DEPDC5: variants seen among roughly 807,000 people sequenced by gnomAD.
DEPDC5 encodes DEP domain containing 5, GATOR1 subcomplex subunit, also known as GATOR1 complex protein DEPDC5.
A neutral mutation model predicts 217.3 loss-of-function variants in DEPDC5; 73 were observed. That is an observed-to-expected ratio of 0.34 (90% CI 0.28 to 0.41). The LOEUF (loss-of-function observed/expected upper bound fraction) is 0.41, where lower values mean the gene tolerates loss of function less well. Ranked by LOEUF, DEPDC5 falls within the 10% of genes least tolerant of loss-of-function variation. DEPDC5 has a pLI of 1.00. For missense variants in DEPDC5, 1,675 were observed against 2,070.1 expected, an observed-to-expected ratio of 0.81 and a Z score of 3.70; for synonymous variants, 733 against 756.7, an observed-to-expected ratio of 0.97 and a Z score of 0.51.
chr22:31,900,137 C>T (rs1476533091), intron 40 of DEPDC5, among the ~76,000 whole-genome samples: 3 of 152,074 alleles, frequency 2.0e-5, no homozygotes, highest in Non-Finnish European at 4.4e-5. Flanking sequence ...ACCTCCGCCT[C>T]CTGGGTTCAA....
chr22:31,842,795 A>C (rs1156498337), intron 27 of DEPDC5, among the ~76,000 whole-genome samples: 1 of 152,112 alleles, frequency 6.6e-6, no homozygotes, highest in East Asian at 1.9e-4. Context: ...GTCATCTCTT[A>C]CAGAACTTTC....
At chr22:31,887,968 G>T (rs2093353926) in intron 38 of DEPDC5, among the ~76,000 whole-genome samples, 1 of 152,116 alleles carries the variant, frequency 6.6e-6, no homozygotes, top group Admixed American at 6.6e-5. Context: ...TTTGTGACTT[G>T]TCCCTTTTTT....
intron 33 of DEPDC5, among the ~76,000 whole-genome samples, chr22:31,867,036 G>A (rs1824878504): frequency 6.6e-6 from 1 of 152,146 alleles, no homozygotes; most frequent in Admixed American, 6.5e-5. Context: ...AAGCGGAGGG[G>A]GGAGTATCTA....
chr22:31,802,279 T>A (rs2086955434), intron 14 of DEPDC5, among the ~76,000 whole-genome samples: 1 of 151,738 alleles, frequency 6.6e-6, no homozygotes, highest in Non-Finnish European at 1.5e-5. Context: ...CAGGTGCACA[T>A]CACCATGCCT....
At chr22:31,766,463 A>G in intron 5 of DEPDC5, 122 bp from the exon 6 acceptor site, 1 of 859,938 alleles carries the variant, frequency 1.2e-6, no homozygotes. Context: ...TCTGCTACTG[A>G]ATGGTCTTCC....
Position 31,870,609 on chromosome 22 carries a change from C to T in DEPDC5, c.3350C>T (p.Ala1117Val). 6.5e-7 allele frequency: 1 copy of T among 1,546,794 alleles called. No individual in the cohort carries two copies. Among genetic ancestry groups the T allele is most frequent in the Non-Finnish European group, 8.7e-7 (1 of 1,150,720 alleles). Residue 1117 changes from alanine (A) to valine (V), a missense_variant, in exon 34 of 43, where the codon GCC (alanine) becomes GTC (valine). By Grantham distance (64) the Ala-to-Val change is moderately conservative. Around this residue, in one of 11 missense-constraint regions of DEPDC5, gnomAD observed 126 missense variants for 113.8 expected, o/e 1.11. Coordinates refer to ENST00000651528, the MANE Select transcript of DEPDC5 (RefSeq NM_001242896.3). The stretch of plus-strand genomic sequence containing the variant: ...CTGCAGGTATCTGTGGACCAAACAG[C>T]CACTCCTATGTTGGACGGCACCAGT... ...FYPQVSVDQTATPMLDGTSLG... is the reference protein window; with the variant it reads ...FYPQVSVDQTVTPMLDGTSLG...
intron 39 of DEPDC5, among the ~76,000 whole-genome samples, chr22:31,896,298 A>G (rs1397802843): frequency 1.3e-5 from 2 of 152,250 alleles, no homozygotes; most frequent in Non-Finnish European, 1.5e-5. Context: ...TACATAAAAT[A>G]AAAAGGTTTT....
At chr22:31,859,471 A>C (rs1307436821) in intron 32 of DEPDC5, among the ~76,000 whole-genome samples, 1 of 148,196 alleles carries the variant, frequency 6.7e-6, no homozygotes, top group East Asian at 2.0e-4. Flanking sequence ...CTGCAACTGC[A>C]ACCTCAGCCT....
In DEPDC5 at chr22:31,864,110, T is replaced by G. The variant is rs558500387; in HGVS notation, c.3330+2677T>G. Among the ~76,000 whole-genome samples, 182 of 129,672 alleles carry G rather than the reference T, an allele frequency of 1.4e-3. No homozygotes were observed. In the Middle Eastern group the frequency reaches 0.027, roughly 19 times the overall value. The allele number at this position is 129,672 out of a possible 152,430, so 85.1% of individuals were successfully genotyped here. ...GGCCAATGGAGTCAGTTGGATGCTTTCTTTTTTTTTTTTTTGAGATGGAAT... is the reference window on the plus strand; with the variant it reads ...GGCCAATGGAGTCAGTTGGATGCTTGCTTTTTTTTTTTTTTGAGATGGAAT... On this transcript the variant is annotated intron_variant, in intron 33 of 42. Transcript: ENST00000651528.
intron 6 of DEPDC5, 39 bp from the exon 7 acceptor site, chr22:31,768,775 T>C: frequency 1.4e-6 from 2 of 1,445,432 alleles, no homozygotes; most frequent in Middle Eastern, 1.8e-4. Flanking sequence ...CCTCTCTCCC[T>C]CCCTCCCTCT....
Position 31,764,902 on chromosome 22 carries a change from G to A in DEPDC5, c.194-73G>A. The A allele has an allele frequency of 1.8e-6, 2 of 1,128,294 alleles. 1 individual carries two copies. The allele number at this position is 1,128,294 out of a possible 1,614,324, so 69.9% of individuals were successfully genotyped here. The stretch of plus-strand genomic sequence containing the variant: ...AATTGTGTTGCTTACTGAGTTGAGT[G>A]TTTATAGATTAGAATATATGGATCT... On this transcript the variant is annotated intron_variant, in intron 4 of 42. Coordinates refer to ENST00000651528, the MANE Select transcript of DEPDC5 (RefSeq NM_001242896.3).
rs755051459 is a variant in DEPDC5, at chr22:31,879,665, C to A, written c.3946C>A (p.Leu1316Met). The A allele has an allele frequency of 6.2e-7, 1 of 1,614,176 alleles. No homozygotes were observed. Among genetic ancestry groups the A allele is most frequent in the Admixed American group, 1.7e-5 (1 of 60,026 alleles). ...SEIPAFLLPW[L>M]PSRPASYASR... is the part of the protein sequence containing the mutation. ...GATTCCTGCCTTTCTCCTGCCCTGG[C>A]TGCCTAGCCGGCCAGCCTCCTATGC... is the stretch of plus-strand genomic sequence containing the variant. The change falls in exon 38 of 43, where the codon CTG (leucine) becomes ATG (methionine). Residue 1316 changes from leucine to methionine, a missense_variant. Leu to Met is a conservative substitution (Grantham distance 15). Around this residue, in one of 11 missense-constraint regions of DEPDC5, gnomAD observed 182 missense variants for 290.1 expected, o/e 0.63. Transcript: ENST00000651528.
rs2093767149 is a variant in DEPDC5 at position 31,906,834 on chromosome 22, GTGGCTCC to G, written c.*341_*347del. On this transcript the variant is annotated 3_prime_UTR_variant, in exon 43 of 43. Transcript: ENST00000651528. The surrounding 1 kb of genome is among the most constrained non-coding windows in gnomAD (Gnocchi z 5.1). ...CCCCCATGAATGTCCTCGGAAGGGG[GTGGCTCC>G]TGGTAGCATCCTTTTCCTTCACCAT... 2.4e-6 allele frequency: 1 copy of G among 423,308 alleles called. No individual in the cohort carries two copies. Among genetic ancestry groups the G allele is most frequent in the African/African-American group, 2.0e-5 (1 of 50,464 alleles). 26.2% of individuals were successfully genotyped at this position (423,308 alleles called of 1,614,324 possible).
rs745991116 is a variant in DEPDC5 at position 31,876,300 on chromosome 22, G to A, written c.3805+35G>A. 7.0e-6 allele frequency: 11 copies of A among 1,566,788 alleles called. No individual in the cohort carries two copies. In the African/African-American group the frequency reaches 1.4e-4, roughly 19 times the overall value. On this transcript the variant is annotated intron_variant, in intron 37 of 42. Coordinates refer to ENST00000651528, the MANE Select transcript of DEPDC5 (RefSeq NM_001242896.3). ...GAGGCGAATGCGGTTGCCCACAGGG[G>A]CAAGTGTTTTTCCTGGTGACTTGCT...
intron 38 of DEPDC5, among the ~76,000 whole-genome samples, chr22:31,889,668 G>A (rs1007241363): frequency 6.7e-6 from 1 of 148,930 alleles, no homozygotes; most frequent in Non-Finnish European, 1.5e-5. Context: ...AGCCTCCCAA[G>A]TAGCTGGGAC....
intron 12 of DEPDC5, among the ~76,000 whole-genome samples, chr22:31,794,479 T>C (rs1451180516): frequency 6.6e-6 from 1 of 152,174 alleles, no homozygotes; most frequent in Non-Finnish European, 1.5e-5. Context: ...ACTATATATT[T>C]TTAATATATG....
At chr22:31,876,659 A>T (rs775300832) in intron 37 of DEPDC5, among the ~76,000 whole-genome samples, 10 of 152,150 alleles carry the variant, frequency 6.6e-5, no homozygotes, top group Non-Finnish European at 1.2e-4. Context: ...CACTTGCTAG[A>T]TCTCCAGTTC....
In DEPDC5 at chr22:31,822,679, T is replaced by A; in HGVS notation, c.2007-14T>A. On this transcript the variant is annotated splice_polypyrimidine_tract_variant and intron_variant, in intron 23 of 42. Coordinates refer to ENST00000651528, the MANE Select transcript of DEPDC5 (RefSeq NM_001242896.3). ...TCTACATTAAGCCAGGTGGCTGGGC[T>A]CTGTTCTCTGCAGGCACAGCAATTC... 1.9e-6 allele frequency: 3 copies of A among 1,613,696 alleles called. No homozygotes were observed. Among genetic ancestry groups the A allele is most frequent in the Non-Finnish European group, 2.5e-6 (3 of 1,179,786 alleles).
chr22:31,858,637 T>C (rs1482158255), intron 32 of DEPDC5: 3 of 152,250 alleles, frequency 2.0e-5, no homozygotes, highest in Non-Finnish European at 2.9e-5. Context: ...TATATACTTT[T>C]TTCTTTCGTT....
Sources: gnomAD v4.1 joint callset for allele counts (sites outside exome capture counted in the v4.1 genomes callset) on GRCh38, gnomAD v4.1.1 for gene constraint, gnomAD v4.1.1 regional missense constraint, Gnocchi (gnomAD v3.1) non-coding constraint, MANE v1.5 for transcripts, NCBI Gene and HGNC (gene_info 2026-07-23, HGNC 2026-07-21) for gene names.